NKAIN2: variants seen among roughly 807,000 people sequenced by gnomAD.
The protein encoded by NKAIN2 is sodium/potassium transporting ATPase interacting 2, also known as sodium/potassium-transporting ATPase subunit beta-1-interacting protein 2.
A neutral mutation model predicts 32.6 loss-of-function variants in NKAIN2; 14 were observed. The observed-to-expected ratio is 0.43, with a 90% CI of 0.28 to 0.67. The LOEUF (loss-of-function observed/expected upper bound fraction) is 0.67. NKAIN2 is among the 30% of genes least tolerant of loss of function. The pLI, the probability that NKAIN2 is intolerant of heterozygous loss-of-function variation, is 0.17. For synonymous variants in NKAIN2, 80 were observed against 87.2 expected, an observed-to-expected ratio of 0.92 and a Z score of 0.46; for missense variants, 198 against 258.3, an observed-to-expected ratio of 0.77 and a Z score of 1.60.
intron 1 of NKAIN2, among the ~76,000 whole-genome samples, chr6:124,152,173 T>C (rs1787758810): frequency 6.6e-6 from 1 of 151,990 alleles, no homozygotes; most frequent in African/African-American, 2.4e-5. Context: ...CCCATACAGA[T>C]GTCCAGTTGA....
chr6:124,357,698 T>C (rs1187619861), intron 3 of NKAIN2, among the ~76,000 whole-genome samples: 3 of 152,302 alleles, frequency 2.0e-5, no homozygotes, highest in East Asian at 1.9e-4. Flanking sequence ...GGCTTCATAA[T>C]GGATATTGGT....
intron 1 of NKAIN2, among the ~76,000 whole-genome samples, chr6:124,259,623 A>G (rs1039394130): frequency 2.6e-5 from 4 of 152,136 alleles, no homozygotes; most frequent in Non-Finnish European, 5.9e-5. Flanking sequence ...GTTATTATTG[A>G]TAATAGGTGA....
chr6:124,239,031 A>G (rs1792933045), intron 1 of NKAIN2, among the ~76,000 whole-genome samples: 1 of 152,172 alleles, frequency 6.6e-6, no homozygotes, highest in African/African-American at 2.4e-5. Flanking sequence ...TCACATGCAA[A>G]GACACACATA....
intron 2 of NKAIN2, among the ~76,000 whole-genome samples, chr6:124,289,333 C>T (rs1016282770): frequency 3.3e-5 from 5 of 152,060 alleles, no homozygotes; most frequent in Non-Finnish European, 7.4e-5. Context: ...TCCTCCTTCT[C>T]CCCAGTGAGG....
intron 3 of NKAIN2, among the ~76,000 whole-genome samples, chr6:124,389,141 G>T (rs1438493488): frequency 6.6e-6 from 1 of 152,064 alleles, no homozygotes; most frequent in African/African-American, 2.4e-5. Flanking sequence ...ACCTAACACT[G>T]TATTTCCCCT....
intron 3 of NKAIN2, among the ~76,000 whole-genome samples, chr6:124,470,812 C>T (rs954911609): frequency 6.6e-6 from 1 of 152,110 alleles, no homozygotes; most frequent in African/African-American, 2.4e-5. Flanking sequence ...AGAAACAAAA[C>T]TTATCTTTCA....
chr6:124,800,986 G>A (rs1780231024), intron 5 of NKAIN2, among the ~76,000 whole-genome samples: 1 of 152,084 alleles, frequency 6.6e-6, no homozygotes, highest in Admixed American at 6.6e-5. Context: ...TCCCAAATGT[G>A]GCACTGCAAA....
chr6:124,466,098 G>A (rs1248384260), intron 3 of NKAIN2, among the ~76,000 whole-genome samples: 1 of 151,994 alleles, frequency 6.6e-6, no homozygotes, highest in Non-Finnish European at 1.5e-5. Flanking sequence ...ACAACGTTTG[G>A]CTGATAGTAA....
chr6:124,193,013 TG>T (rs921614634), intron 1 of NKAIN2, among the ~76,000 whole-genome samples: 83 of 152,188 alleles, frequency 5.5e-4, no homozygotes, highest in African/African-American at 2.0e-3. Flanking sequence ...CCTCCTAAAG[TG>T]CTGGGATTAC....
At chr6:124,133,154 C>T (rs1158364147) in intron 1 of NKAIN2, among the ~76,000 whole-genome samples, 1 of 152,188 alleles carries the variant, frequency 6.6e-6, no homozygotes, top group Non-Finnish European at 1.5e-5. Flanking sequence ...GCTTGCCCCA[C>T]AGGAAAGCAG....
At chr6:123,861,225 GA>G (rs1256313499) in intron 1 of NKAIN2, among the ~76,000 whole-genome samples, 3 of 152,188 alleles carry the variant, frequency 2.0e-5, no homozygotes, top group African/African-American at 7.2e-5. Context: ...CTGACCAAAA[GA>G]GGCTAAGTAA....
At chr6:124,303,110 C>T (rs1283325591) in intron 2 of NKAIN2, among the ~76,000 whole-genome samples, 1 of 152,076 alleles carries the variant, frequency 6.6e-6, no homozygotes, top group African/African-American at 2.4e-5. Flanking sequence ...ATTTTGAACA[C>T]TATTAGAGAA....
At chr6:124,358,022 G>A (rs1327767985) in intron 3 of NKAIN2, among the ~76,000 whole-genome samples, 5 of 152,058 alleles carry the variant, frequency 3.3e-5, no homozygotes, top group Admixed American at 6.5e-5. Flanking sequence ...GAGAACATGC[G>A]GTGTTTGGTT....
chr6:124,011,704 C>CT (rs1399578978), intron 1 of NKAIN2, among the ~76,000 whole-genome samples: 7 of 152,248 alleles, frequency 4.6e-5, no homozygotes, highest in Admixed American at 6.5e-5. Flanking sequence ...CTTTTCCTCT[C>CT]TTTTTTATTG....
At chr6:124,558,306 T>A (rs551967933) in intron 3 of NKAIN2, among the ~76,000 whole-genome samples, 1 of 152,320 alleles carries the variant, frequency 6.6e-6, no homozygotes, top group Non-Finnish European at 1.5e-5. Flanking sequence ...TAAGACATAA[T>A]GGAAGGTCTT....
At chr6:124,717,608 C>A (rs1293650346) in intron 4 of NKAIN2, among the ~76,000 whole-genome samples, 1 of 151,970 alleles carries the variant, frequency 6.6e-6, no homozygotes, top group Non-Finnish European at 1.5e-5. Context: ...GTAATTATAA[C>A]AATAATAAGC....
At chr6:124,540,262 T>C (rs762196292) in intron 3 of NKAIN2, among the ~76,000 whole-genome samples, 2 of 152,238 alleles carry the variant, frequency 1.3e-5, no homozygotes, top group Non-Finnish European at 2.9e-5. Flanking sequence ...AACTTCCTCA[T>C]AGAGCACAGC....
At chr6:124,064,521 G>A (rs1402467637) in intron 1 of NKAIN2, among the ~76,000 whole-genome samples, 1 of 150,800 alleles carries the variant, frequency 6.6e-6, no homozygotes. Flanking sequence ...CATTTTTGAG[G>A]GTGAGATTAG....
intron 3 of NKAIN2, among the ~76,000 whole-genome samples, chr6:124,536,030 G>T (rs1483396635): frequency 6.6e-6 from 1 of 152,216 alleles, no homozygotes; most frequent in African/African-American, 2.4e-5. Context: ...CAGGCCTGCG[G>T]AGACTGCCCT....
Sources: gnomAD v4.1 joint callset for allele counts (sites outside exome capture counted in the v4.1 genomes callset) on GRCh38, gnomAD v4.1.1 for gene constraint, MANE v1.5 for transcripts, NCBI Gene and HGNC (gene_info 2026-07-23, HGNC 2026-07-21) for gene names.